Variants in AKAIN1 observed in about 807,000 individuals in gnomAD.
AKAIN1 encodes A-kinase anchor protein inhibitor 1.
AKAIN1 carries 3 observed loss-of-function variants against 3.7 expected under a neutral mutation model. The ratio of observed to expected loss-of-function variants is 0.82; its 90% CI spans 0.37 to 2.12. AKAIN1 has a LOEUF of 2.12. AKAIN1 is among the 30% of genes most tolerant of loss of function. The probability of loss-of-function intolerance (pLI) is 0.06; values close to 1 mark genes in which losing one functional copy is unlikely to be tolerated. For synonymous variants in AKAIN1, 31 were observed against 30.8 expected (o/e 1.01, Z -0.02); for missense variants, 82 against 82.7 (o/e 0.99, Z 0.03).
intron 1 of AKAIN1, among the ~76,000 whole-genome samples, chr18:5,177,026 C>A (rs2071230512): frequency 6.6e-6 from 1 of 152,088 alleles, no homozygotes; most frequent in Non-Finnish European, 1.5e-5. Context: ...TTCCCAAAGG[C>A]CAGTACCCAA....
In AKAIN1 at chr18:5,145,693, G is replaced by C. The variant is rs1198249835; in HGVS notation, c.79C>G (p.Gln27Glu). 92 of 1,551,582 alleles carry C rather than the reference G, an allele frequency of 5.9e-5. No homozygotes were observed. Among genetic ancestry groups the C allele is most frequent in the Non-Finnish European group, 7.8e-5 (90 of 1,146,912 alleles). ...TGCACAGCTTGCAGGATTGCATTCT[G>C]CACAATCTGTTTGCTGGCATTCTGC... ...KLQNASKQIV[Q>E]NAILQAVQQV... is the part of the protein sequence containing the mutation. Residue 27 changes from glutamine (Q) to glutamate (E), a missense_variant, in exon 2 of 2, where the codon CAG becomes GAG. Transcript: ENST00000434239.
At chr18:5,169,846 T>C (rs933160980) in intron 1 of AKAIN1, among the ~76,000 whole-genome samples, 1 of 152,182 alleles carries the variant, frequency 6.6e-6, no homozygotes, top group Non-Finnish European at 1.5e-5. Context: ...AAATGATTTT[T>C]ATCTCATTAA....
At chr18:5,181,721 T>C (rs2071259692) in intron 1 of AKAIN1, among the ~76,000 whole-genome samples, 1 of 152,070 alleles carries the variant, frequency 6.6e-6, no homozygotes, top group Non-Finnish European at 1.5e-5. Flanking sequence ...CCTCTCCTAA[T>C]CCCTAGCTAG....
At chr18:5,187,823 C>T (rs2071296230) in intron 1 of AKAIN1, among the ~76,000 whole-genome samples, 2 of 152,070 alleles carry the variant, frequency 1.3e-5, no homozygotes, top group South Asian at 2.1e-4. Context: ...TAACTTATTC[C>T]AGCATCAATT....
At chr18:5,153,253 G>A (rs2071089092) in intron 1 of AKAIN1, among the ~76,000 whole-genome samples, 1 of 152,130 alleles carries the variant, frequency 6.6e-6, no homozygotes. Flanking sequence ...AACTTGCAAA[G>A]GAAAAGACAA....
upstream of AKAIN1, chr18:5,197,507 A>AAC: frequency 8.2e-7 from 1 of 1,223,568 alleles, no homozygotes; most frequent in East Asian, 3.2e-5. The surrounding 1 kb of genome is among the most constrained non-coding windows in gnomAD (Gnocchi z 6.9). Context: ...GATTTGTCAA[A>AAC]AAAAAAAAAC....
chr18:5,180,293 C>G (rs2071249855), intron 1 of AKAIN1, among the ~76,000 whole-genome samples: 1 of 152,178 alleles, frequency 6.6e-6, no homozygotes, highest in Admixed American at 6.6e-5. Context: ...ATCCTCCATA[C>G]TGCCCACCTA....
chr18:5,145,426 G>A lies in AKAIN1; in HGVS notation c.*136C>T. 1 of 659,820 alleles carries A rather than the reference G, an allele frequency of 1.5e-6. No individual in the cohort carries two copies. Among genetic ancestry groups the A allele is most frequent in the Non-Finnish European group, 2.6e-6 (1 of 383,662 alleles). The allele number at this position is 659,820 out of a possible 1,614,324, so 40.9% of individuals were successfully genotyped here. On this transcript the variant is annotated 3_prime_UTR_variant, in exon 2 of 2. Transcript: ENST00000434239. Reference sequence around the variant, plus strand: ...TTTCAAAACAGTGCTTCTCAGCCAGGGGCTAGTGTGAATTCATTCTACAGC... The same window carrying A: ...TTTCAAAACAGTGCTTCTCAGCCAGAGGCTAGTGTGAATTCATTCTACAGC...
intron 1 of AKAIN1, among the ~76,000 whole-genome samples, chr18:5,182,975 T>G (rs2071266945): frequency 6.6e-6 from 1 of 152,064 alleles, no homozygotes; most frequent in Non-Finnish European, 1.5e-5. Flanking sequence ...TTTTACCTAG[T>G]GCACATATTT....
chr18:5,146,222 C>T (rs1183590726), intron 1 of AKAIN1, among the ~76,000 whole-genome samples: 1 of 152,254 alleles, frequency 6.6e-6, no homozygotes, highest in East Asian at 1.9e-4. Context: ...CAGACCGTTG[C>T]CCTTTCGCAC....
Position 5,197,158 on chromosome 18 carries a change from G to T in AKAIN1, c.-105C>A. The T allele has an allele frequency of 6.6e-7, 1 of 1,523,552 alleles. No individual in the cohort carries two copies. Among genetic ancestry groups the T allele is most frequent in the Non-Finnish European group, 8.8e-7 (1 of 1,138,872 alleles). The allele number at this position is 1,523,552 out of a possible 1,614,324, so 94.4% of individuals were successfully genotyped here. A position where few individuals can be genotyped will look rare whatever the true frequency, so the allele number is the denominator to read the frequency against. ...GGGGTCCGGTGCAGGAGGGCGCGCT[G>T]GGCGGGCGGCGGGCGGGGCGGTCAG... On this transcript the variant is annotated 5_prime_UTR_variant, in exon 1 of 2. Coordinates refer to ENST00000434239, the MANE Select transcript of AKAIN1 (RefSeq NM_001145194.2). The surrounding 1 kb of genome is among the most constrained non-coding windows in gnomAD (Gnocchi z 6.9).
At chr18:5,150,153 G>A (rs1222794833) in intron 1 of AKAIN1, among the ~76,000 whole-genome samples, 4 of 152,238 alleles carry the variant, frequency 2.6e-5, no homozygotes, top group Admixed American at 2.0e-4. Flanking sequence ...TCACAGGTTA[G>A]TCTCTGTGCG....
intron 1 of AKAIN1, among the ~76,000 whole-genome samples, chr18:5,161,214 G>A (rs1177104683): frequency 1.3e-5 from 2 of 151,704 alleles, no homozygotes; most frequent in Admixed American, 6.6e-5. Context: ...TATTTATTTA[G>A]ATCTCCTTTA....
At chr18:5,184,926 A>G (rs768804124) in intron 1 of AKAIN1, among the ~76,000 whole-genome samples, 1 of 152,130 alleles carries the variant, frequency 6.6e-6, no homozygotes, top group African/African-American at 2.4e-5. Flanking sequence ...GAGGCATCAC[A>G]TTATTTAACT....
intron 1 of AKAIN1, among the ~76,000 whole-genome samples, chr18:5,184,828 A>G (rs569204084): frequency 1.3e-5 from 2 of 152,306 alleles, no homozygotes; most frequent in African/African-American, 4.8e-5. Context: ...TCTTCACAGA[A>G]TTAGAAAAAA....
intron 1 of AKAIN1, among the ~76,000 whole-genome samples, chr18:5,179,447 T>G (rs1382083076): frequency 1.3e-5 from 2 of 151,986 alleles, no homozygotes; most frequent in Non-Finnish European, 2.9e-5. Context: ...ATGTATACCA[T>G]ATTTTCTTTA....
intron 1 of AKAIN1, among the ~76,000 whole-genome samples, chr18:5,167,597 G>C (rs937196858): frequency 6.6e-6 from 1 of 152,052 alleles, no homozygotes; most frequent in Non-Finnish European, 1.5e-5. Flanking sequence ...TAACAGAGGT[G>C]ATGTTTAATA....
At chr18:5,176,922 T>G (rs1333076595) in intron 1 of AKAIN1, among the ~76,000 whole-genome samples, 1 of 152,064 alleles carries the variant, frequency 6.6e-6, no homozygotes, top group Admixed American at 6.6e-5. Context: ...GTCTGGAAAG[T>G]CTTCATGTAC....
At position 5,159,100 on chromosome 18, in the gene AKAIN1, G is replaced by T. The variant is rs149046795; in HGVS notation, c.17-13345C>A. Among the ~76,000 whole-genome samples the T allele has an allele frequency of 4.0e-5, 6 of 151,626 alleles. No individual in the cohort carries two copies. The East Asian group carries it at 1.2e-3, about 29-fold the overall frequency. On this transcript the variant is annotated intron_variant, in intron 1 of 1. Transcript: ENST00000434239. Reference sequence around the variant, plus strand: ...AATCTTGGCTCTTTTTACTGTGTTGGGGTTAATCAGAAAGAGAGAACAGGT... The same window carrying T: ...AATCTTGGCTCTTTTTACTGTGTTGTGGTTAATCAGAAAGAGAGAACAGGT...
Sources: allele counts gnomAD v4.1 joint callset (sites outside exome capture counted in the v4.1 genomes callset), GRCh38; gene constraint gnomAD v4.1.1; non-coding constraint Gnocchi (gnomAD v3.1); transcripts MANE v1.5; gene names NCBI Gene and HGNC (gene_info 2026-07-23, HGNC 2026-07-21).